The following C3orf20 variants were observed in gnomAD, a reference collection of about 807,000 sequenced individuals.
The protein encoded by C3orf20 is uncharacterized protein C3orf20.
In C3orf20, 76 loss-of-function variants were observed where a neutral mutation model predicts 88.3. The ratio of observed to expected loss-of-function variants is 0.86; its 90% CI spans 0.72 to 1.04. The LOEUF (loss-of-function observed/expected upper bound fraction) is 1.04. Among genes scored for constraint, C3orf20 ranks in the 50% least tolerant of loss-of-function variants. The pLI, the probability that C3orf20 is intolerant of heterozygous loss-of-function variation, is 0.00. For synonymous variants in C3orf20, 436 were observed against 437.4 expected (o/e 1.00, Z 0.04); for missense variants, 1,056 against 1,123.3 (o/e 0.94, Z 0.86).
intron 11 of C3orf20, among the ~76,000 whole-genome samples, chr3:14,727,946 G>T (rs913323018): frequency 4.6e-5 from 7 of 152,166 alleles, no homozygotes; most frequent in Non-Finnish European, 7.3e-5. Flanking sequence ...TTTGAGAAAT[G>T]CTGGTGAGTG....
At position 14,682,594 on chromosome 3, in the gene C3orf20, G is replaced by T; in HGVS notation, c.-120G>T. ...TCCGGATAGGAACCACTGGCTCAAT[G>T]ACCTGTAAGGGCCGTTTCAGCACAT... On this transcript the variant is annotated 5_prime_UTR_variant, in exon 3 of 17. An upstream start codon of the reference 5' UTR is lost. Coordinates refer to ENST00000253697, the MANE Select transcript of C3orf20 (RefSeq NM_032137.5). 1 of 1,302,130 alleles carries T rather than the reference G, an allele frequency of 7.7e-7. No homozygotes were observed. The highest frequency in any genetic ancestry group is 1.4e-5 in the South Asian group (1 of 69,586). The allele number at this position is 1,302,130 out of a possible 1,614,324, so 80.7% of individuals were successfully genotyped here. A position where few individuals can be genotyped will look rare whatever the true frequency, so the allele number is the denominator to read the frequency against.
chr3:14,749,604 G>A (rs1226909603), intron 12 of C3orf20, among the ~76,000 whole-genome samples: 1 of 152,052 alleles, frequency 6.6e-6, no homozygotes, highest in Non-Finnish European at 1.5e-5. Context: ...AGTAATTACT[G>A]ACTAGGAAGG....
At chr3:14,727,676 G>A (rs889195851) in intron 11 of C3orf20, among the ~76,000 whole-genome samples, 3 of 152,154 alleles carry the variant, frequency 2.0e-5, no homozygotes, top group Admixed American at 1.3e-4. Context: ...CAGAGATGTC[G>A]ATTGCCCCTT....
chr3:14,686,914 C>T (rs1222912140), intron 4 of C3orf20, among the ~76,000 whole-genome samples: 2 of 152,188 alleles, frequency 1.3e-5, no homozygotes, highest in African/African-American at 2.4e-5. Context: ...TCTGCTAATA[C>T]ACACATACAG....
chr3:14,758,816 C>G (rs921952786), intron 13 of C3orf20, among the ~76,000 whole-genome samples: 14 of 151,974 alleles, frequency 9.2e-5, no homozygotes, highest in African/African-American at 3.4e-4. Context: ...GTAGACTCAG[C>G]CACAAGCCTT....
chr3:14,678,674 A>G (rs970759726), intron 1 of C3orf20, among the ~76,000 whole-genome samples: 1 of 152,218 alleles, frequency 6.6e-6, no homozygotes, highest in African/African-American at 2.4e-5. Flanking sequence ...CTTTGTTTAT[A>G]GCCATCTGCG....
chr3:14,687,857 C>T (rs949951609), intron 4 of C3orf20, among the ~76,000 whole-genome samples: 4 of 152,146 alleles, frequency 2.6e-5, no homozygotes, highest in African/African-American at 4.8e-5. Context: ...GAGCTGGGGG[C>T]AGGGGGCCTT....
intron 12 of C3orf20, among the ~76,000 whole-genome samples, chr3:14,732,093 C>T (rs934134562): frequency 3.9e-5 from 6 of 152,192 alleles, no homozygotes; most frequent in African/African-American, 1.4e-4. Context: ...GTAGCTGTAC[C>T]ATTATCCATG....
chr3:14,771,612 G>T (rs1254361528), intron 15 of C3orf20, among the ~76,000 whole-genome samples: 1 of 152,192 alleles, frequency 6.6e-6, no homozygotes, highest in African/African-American at 2.4e-5. Flanking sequence ...CTCCAGTATG[G>T]CCTCATCTTA....
At chr3:14,682,512 CG>C in intron 2 of C3orf20, 65 bp from the exon 3 acceptor site, 5 of 645,052 alleles carry the variant, frequency 7.8e-6, no homozygotes, top group Non-Finnish European at 1.3e-5. Flanking sequence ...AGGTAAGGGA[CG>C]GGGGACCTCC....
chr3:14,688,390 GC>G (rs1237952675), intron 4 of C3orf20, among the ~76,000 whole-genome samples: 3 of 151,582 alleles, frequency 2.0e-5, no homozygotes, highest in African/African-American at 7.3e-5. Context: ...AAATTAGCCG[GC>G]CGTGATGGCA....
chr3:14,769,774 A>T (rs571455897), intron 15 of C3orf20, among the ~76,000 whole-genome samples: 1 of 152,172 alleles, frequency 6.6e-6, no homozygotes, highest in Admixed American at 6.5e-5. Flanking sequence ...TGGATGGAAG[A>T]GGGTGAGGCT....
intron 12 of C3orf20, among the ~76,000 whole-genome samples, chr3:14,736,904 A>G (rs1001035115): frequency 3.3e-5 from 5 of 152,066 alleles, no homozygotes; most frequent in African/African-American, 1.2e-4. Context: ...CTGTGTTCCT[A>G]AGGTTGGCAA....
intron 12 of C3orf20, among the ~76,000 whole-genome samples, chr3:14,738,053 C>G (rs9871417): frequency 0.18 from 27,900 of 152,108 alleles, 2,582 homozygotes; most frequent in East Asian, 0.26. Context: ...TCAGTTACTT[C>G]CTCCACTGGA....
intron 4 of C3orf20, among the ~76,000 whole-genome samples, chr3:14,687,771 G>C (rs1314400385): frequency 6.6e-6 from 1 of 152,214 alleles, no homozygotes; most frequent in Admixed American, 6.5e-5. Flanking sequence ...TCAGGATGAG[G>C]GAGGCACAGT....
intron 12 of C3orf20, among the ~76,000 whole-genome samples, chr3:14,738,943 A>G (rs928142975): frequency 2.7e-5 from 4 of 148,576 alleles, no homozygotes; most frequent in Admixed American, 1.4e-4. Flanking sequence ...GGTGTGAGCC[A>G]TTGTGCCCAG....
At position 14,753,593 on chromosome 3, in the gene C3orf20, G is replaced by A. The variant is rs116064486; in HGVS notation, c.1941-3778G>A. On this transcript the variant is annotated intron_variant, in intron 12 of 16. Coordinates refer to ENST00000253697, the MANE Select transcript of C3orf20 (RefSeq NM_032137.5). ...TCTAGTAAATTTTTTTCCTGTGAGT[G>A]GTCCATACTTTTTTGTTTCTTTGCA... Among the ~76,000 whole-genome samples the A allele has an allele frequency of 9.6e-3, 1,461 of 152,044 alleles. 25 individuals carry two copies. Among genetic ancestry groups the A allele is most frequent in the African/African-American group, 0.034 (1,394 of 41,444 alleles).
rs368151092 is a variant in C3orf20, at chr3:14,683,204, C to T, written c.484+7C>T. 8.3e-6 allele frequency: 13 copies of T among 1,557,482 alleles called. No individual in the cohort carries two copies. The highest frequency in any genetic ancestry group is 8.2e-5 in the African/African-American group (6 of 73,252). ...ATGGTGGAGTCTATGTCGGGTAAGG[C>T]CCAGATGTTTGTGTATGTGCCCACC... On this transcript the variant is annotated splice_region_variant and intron_variant, in intron 3 of 16. Coordinates refer to ENST00000253697, the MANE Select transcript of C3orf20 (RefSeq NM_032137.5).
At position 14,757,593 on chromosome 3, in the gene C3orf20, C is replaced by T. The variant is rs770697771; in HGVS notation, c.2163C>T (p.Tyr721=). ...TTGGGATCATCTCAAGCCAGAACTA[C>T]ACCAGCACTGGGCAGCTCCAGTGGC... ...LVFGIISSQN[Y]TSTGQLQWLL... Residue 721 remains tyrosine (Y), a synonymous_variant, in exon 13 of 17, where the codon TAC becomes TAT. Transcript: ENST00000253697. The T allele has an allele frequency of 1.9e-6, 3 of 1,614,122 alleles. No individual in the cohort carries two copies. The highest frequency in any genetic ancestry group is 4.5e-5 in the East Asian group (2 of 44,870).
Sources: allele counts gnomAD v4.1 joint callset (sites outside exome capture counted in the v4.1 genomes callset), GRCh38; gene constraint gnomAD v4.1.1; transcripts MANE v1.5; gene names NCBI Gene and HGNC (gene_info 2026-07-23, HGNC 2026-07-21).